IKZF1: variants seen among roughly 807,000 people sequenced by gnomAD.
IKZF1 encodes IKAROS family zinc finger 1, also known as DNA-binding protein Ikaros.
A neutral mutation model predicts 51.7 loss-of-function variants in IKZF1; 10 were observed. The ratio of observed to expected loss-of-function variants is 0.19; its 90% confidence interval spans 0.12 to 0.33. IKZF1 has a LOEUF of 0.33. IKZF1 is among the 10% of genes least tolerant of loss of function. IKZF1 has a pLI of 1.00. For synonymous variants in IKZF1, 280 were observed against 282.3 expected (o/e 0.99, Z 0.08); for missense variants, 484 against 707.5 (o/e 0.68, Z 3.58).
intron 4 of IKZF1, among the ~76,000 whole-genome samples, chr7:50,382,337 A>G (rs1812068377): frequency 6.6e-6 from 1 of 152,238 alleles, no homozygotes; most frequent in Admixed American, 6.5e-5. Flanking sequence ...ATTTAGGGAA[A>G]AAAAATTAGA....
In IKZF1 at chr7:50,353,630, C is replaced by T. The variant is rs147378220; in HGVS notation, c.161-22903C>T. ...AGGTGAGCTCAGGTGGGTCAGCCCCCGAGGCTGTGAAGAGCCCAGGGGCCA... is the reference window on the plus strand; with the variant it reads ...AGGTGAGCTCAGGTGGGTCAGCCCCTGAGGCTGTGAAGAGCCCAGGGGCCA... On this transcript the variant is annotated intron_variant, in intron 3 of 7. Coordinates refer to ENST00000331340, the MANE Select transcript of IKZF1 (RefSeq NM_006060.6). 7.2e-4 allele frequency among the ~76,000 whole-genome samples: 110 copies of T among 152,288 alleles called. 4 individuals are homozygous for T. The East Asian group carries it at 0.019, about 27-fold the overall frequency.
intron 3 of IKZF1, among the ~76,000 whole-genome samples, chr7:50,347,288 G>T (rs1286296825): frequency 6.6e-6 from 1 of 152,122 alleles, no homozygotes; most frequent in Non-Finnish European, 1.5e-5. Flanking sequence ...AATGGAAAAA[G>T]ATAAAGTTAG....
At chr7:50,334,510 TGTG>T (rs1270243642) in intron 3 of IKZF1, among the ~76,000 whole-genome samples, 4 of 151,998 alleles carry the variant, frequency 2.6e-5, no homozygotes, top group South Asian at 4.1e-4. Flanking sequence ...CATGTATGTG[TGTG>T]GTGTGTGTGT....
intron 3 of IKZF1, among the ~76,000 whole-genome samples, chr7:50,345,945 A>T (rs1800250780): frequency 6.6e-6 from 1 of 152,344 alleles, no homozygotes; most frequent in South Asian, 2.1e-4. Flanking sequence ...GGTTCAGTTA[A>T]AATACTTCAT....
At chr7:50,358,080 C>A (rs1228609517) in intron 3 of IKZF1, among the ~76,000 whole-genome samples, 1 of 152,178 alleles carries the variant, frequency 6.6e-6, no homozygotes, top group African/African-American at 2.4e-5. Flanking sequence ...AATGACTTGA[C>A]TTACATGTTA....
chr7:50,399,884 C>T (rs2153517376), intron 7 of IKZF1, 34 bp from the exon 8 acceptor site: 2 of 1,582,682 alleles, frequency 1.3e-6, no homozygotes, highest in Admixed American at 3.8e-5. Context: ...CCGGAGGTGG[C>T]CGCGCCCCAC....
At chr7:50,329,630 T>C (rs749039670) in intron 3 of IKZF1, among the ~76,000 whole-genome samples, 25 of 152,226 alleles carry the variant, frequency 1.6e-4, no homozygotes, top group Non-Finnish European at 3.5e-4. Context: ...TGGGTGGTGA[T>C]GTTCCCTGAT....
At chr7:50,343,179 C>CCTCCCTTCCCCTCCT (rs1799497619) in intron 3 of IKZF1, among the ~76,000 whole-genome samples, 1 of 106,950 alleles carries the variant, frequency 9.4e-6, no homozygotes, top group African/African-American at 3.7e-5. Flanking sequence ...CCCCACCCTC[C>CCTCCCTTCCCCTCCT]CTCCCTTCCC....
intron 2 of IKZF1, chr7:50,327,309 A>G (rs569377053): frequency 5.6e-6 from 1 of 178,996 alleles, no homozygotes; most frequent in South Asian, 1.8e-4. Flanking sequence ...TGTACATGAG[A>G]ATGTCTAAAA....
chr7:50,359,609 A>G (rs1804605878), intron 3 of IKZF1, among the ~76,000 whole-genome samples: 1 of 152,244 alleles, frequency 6.6e-6, no homozygotes, highest in South Asian at 2.1e-4. Context: ...ATGTGTAGAA[A>G]GGGCGATCTC....
At chr7:50,391,268 C>T (rs572250405) in intron 6 of IKZF1, among the ~76,000 whole-genome samples, 32 of 152,280 alleles carry the variant, frequency 2.1e-4, no homozygotes, top group African/African-American at 5.8e-4. Flanking sequence ...GCTGTAGGCT[C>T]TTGGGGGCCA....
intron 3 of IKZF1, among the ~76,000 whole-genome samples, chr7:50,334,320 G>A (rs1797062494): frequency 6.6e-6 from 1 of 152,150 alleles, no homozygotes; most frequent in East Asian, 1.9e-4. Flanking sequence ...GTGTGTTTGT[G>A]TATATGTGCA....
chr7:50,325,316 A>G (rs1794654822), intron 2 of IKZF1, among the ~76,000 whole-genome samples: 1 of 149,618 alleles, frequency 6.7e-6, no homozygotes, highest in Admixed American at 6.7e-5. Context: ...CAACCTTCAT[A>G]AAGTCCTGGG....
intron 7 of IKZF1, among the ~76,000 whole-genome samples, chr7:50,395,203 G>A (rs1453295840): frequency 1.3e-5 from 2 of 152,124 alleles, no homozygotes. Context: ...ATTTTCTGTT[G>A]CATATGTATG....
chr7:50,359,570 C>T (rs1024666704), intron 3 of IKZF1, among the ~76,000 whole-genome samples: 4 of 152,212 alleles, frequency 2.6e-5, no homozygotes, highest in African/African-American at 7.2e-5. Context: ...ACCTGTGAGT[C>T]GATTTTACTG....
intron 3 of IKZF1, among the ~76,000 whole-genome samples, chr7:50,366,326 G>A (rs62447200): frequency 0.24 from 37,208 of 152,100 alleles, 5,171 homozygotes; most frequent in African/African-American, 0.36. Context: ...AATGTGTGAA[G>A]TGGGAAGTGT....
intron 3 of IKZF1, among the ~76,000 whole-genome samples, chr7:50,334,403 A>G (rs981420136): frequency 5.9e-5 from 9 of 151,676 alleles, no homozygotes; most frequent in Non-Finnish European, 1.3e-4. Context: ...TGATGTATGT[A>G]TATGTATGTG....
intron 3 of IKZF1, among the ~76,000 whole-genome samples, chr7:50,369,872 T>A (rs1180382405): frequency 5.9e-5 from 9 of 152,342 alleles, no homozygotes; most frequent in Middle Eastern, 3.4e-3. Flanking sequence ...AAGTATTTTC[T>A]AATAATATAC....
At chr7:50,361,451 T>C (rs1285516337) in intron 3 of IKZF1, among the ~76,000 whole-genome samples, 1 of 152,188 alleles carries the variant, frequency 6.6e-6, no homozygotes, top group African/African-American at 2.4e-5. Context: ...TTGAATGTTT[T>C]CCCCTAAATT....
Sources: allele counts gnomAD v4.1 joint callset (sites outside exome capture counted in the v4.1 genomes callset), GRCh38; gene constraint gnomAD v4.1.1; transcripts MANE v1.5; gene names NCBI Gene and HGNC (gene_info 2026-07-23, HGNC 2026-07-21).